Variants in AGAP1 observed in about 807,000 individuals in gnomAD.
The protein encoded by AGAP1 is ArfGAP with GTPase domain, ankyrin repeat and PH domain 1, also known as arf-GAP with GTPase, ANK repeat and PH domain-containing protein 1.
In AGAP1, 29 loss-of-function variants were observed where a neutral mutation model predicts 105.3. The observed-to-expected ratio is 0.28, with a 90% CI of 0.21 to 0.38. The LOEUF is 0.38. AGAP1 is among the 10% of genes least tolerant of loss of function. The pLI is 1.00. For missense variants in AGAP1, 998 were observed against 1,165.1 expected, an observed-to-expected ratio of 0.86 and a Z score of 2.09; for synonymous variants, 509 against 485.9, an observed-to-expected ratio of 1.05 and a Z score of -0.63.
intron 11 of AGAP1, among the ~76,000 whole-genome samples, chr2:235,928,381 G>C (rs1470390539): frequency 6.6e-6 from 1 of 152,190 alleles, no homozygotes; most frequent in African/African-American, 2.4e-5. Flanking sequence ...TGGCAGAAAT[G>C]CACCAGGACA....
intron 15 of AGAP1, among the ~76,000 whole-genome samples, chr2:236,041,989 G>C (rs1429499033): frequency 6.6e-6 from 1 of 152,212 alleles, no homozygotes; most frequent in Non-Finnish European, 1.5e-5. Context: ...TAGGATTAGA[G>C]ATGCTTTTTG....
chr2:235,581,531 G>A (rs1467286684), intron 1 of AGAP1, among the ~76,000 whole-genome samples: 1 of 151,494 alleles, frequency 6.6e-6, no homozygotes. Flanking sequence ...AATAGGCTGG[G>A]TACAGTGGCT....
chr2:235,593,198 A>G (rs1246799905), intron 1 of AGAP1, among the ~76,000 whole-genome samples: 1 of 152,218 alleles, frequency 6.6e-6, no homozygotes, highest in Non-Finnish European at 1.5e-5. Context: ...TCAGACGGGC[A>G]GCTTTTCCTG....
At chr2:235,816,179 G>A (rs929802833) in intron 9 of AGAP1, among the ~76,000 whole-genome samples, 24 of 151,932 alleles carry the variant, frequency 1.6e-4, no homozygotes, top group Non-Finnish European at 1.6e-4. Context: ...GGCTCACGCC[G>A]GTAATCCCAG....
chr2:235,653,278 T>A (rs71423691), intron 1 of AGAP1, among the ~76,000 whole-genome samples: 29,708 of 151,660 alleles, frequency 0.2, 3,107 homozygotes, highest in Middle Eastern at 0.27. Context: ...ATCCTGGCTA[T>A]CACGGTGAAA....
chr2:235,671,390 C>T (rs540887949), intron 1 of AGAP1, among the ~76,000 whole-genome samples: 78 of 152,324 alleles, frequency 5.1e-4, no homozygotes, highest in African/African-American at 1.8e-3. Flanking sequence ...AGCTGGCTGC[C>T]CGCGACACCT....
chr2:235,902,256 G>A (rs1559626718), intron 10 of AGAP1, among the ~76,000 whole-genome samples: 1 of 152,180 alleles, frequency 6.6e-6, no homozygotes, highest in East Asian at 1.9e-4. Flanking sequence ...CCTCATTTCA[G>A]ATAATTGTGG....
At chr2:235,674,006 G>T (rs1335135781) in intron 1 of AGAP1, among the ~76,000 whole-genome samples, 1 of 152,192 alleles carries the variant, frequency 6.6e-6, no homozygotes, top group Admixed American at 6.5e-5. Context: ...GCACACACAG[G>T]CTCCTACATA....
chr2:235,917,494 C>CT (rs1480617316), intron 11 of AGAP1, among the ~76,000 whole-genome samples: 2 of 152,120 alleles, frequency 1.3e-5, no homozygotes, highest in South Asian at 4.1e-4. Flanking sequence ...CTCTCCCTCT[C>CT]TTTTTTTCCA....
Position 235,740,698 on chromosome 2 carries a change from G to GTCCACACTAATTGGCCA in AGAP1, c.311-264_311-248dup, listed in dbSNP as rs1205325531. On this transcript the variant is annotated intron_variant, in intron 3 of 17. Coordinates refer to ENST00000304032, the MANE Select transcript of AGAP1 (RefSeq NM_001037131.3). The surrounding 1 kb of genome is among the most constrained non-coding windows in gnomAD (Gnocchi z 5.7). Reference sequence around the variant, plus strand: ...TTTACATAGAAAGCCCACATGAGAAGTCCACACTAATTGGCCACGAGTGTC... The same window carrying GTCCACACTAATTGGCCA: ...TTTACATAGAAAGCCCACATGAGAAGTCCACACTAATTGGCCATCCACACTAATTGGCCACGAGTGTC... 2.0e-5 allele frequency among the ~76,000 whole-genome samples: 3 copies of GTCCACACTAATTGGCCA among 152,230 alleles called. No individual in the cohort carries two copies. Among genetic ancestry groups the GTCCACACTAATTGGCCA allele is most frequent in the African/African-American group, 7.2e-5 (3 of 41,466 alleles).
chr2:235,717,030 G>A (rs977014299), intron 2 of AGAP1, among the ~76,000 whole-genome samples: 6 of 151,972 alleles, frequency 3.9e-5, no homozygotes, highest in African/African-American at 7.3e-5. Context: ...CTGTGTGGCC[G>A]GCCCCTGCCT....
intron 16 of AGAP1, among the ~76,000 whole-genome samples, chr2:236,100,198 C>T (rs186078229): frequency 6.6e-6 from 1 of 152,224 alleles, no homozygotes; most frequent in East Asian, 1.9e-4. Context: ...TTCTAAGGTT[C>T]CTTTCTCACC....
rs1434168434 is a variant in AGAP1, at chr2:235,721,261, G to A, written c.310+3617G>A. ...GACCTTAAGTGATCCACCTGCCTGG[G>A]CCTCCCAAAGTGCTGGGATTACAGG... On this transcript the variant is annotated intron_variant, in intron 3 of 17. Coordinates refer to ENST00000304032, the MANE Select transcript of AGAP1 (RefSeq NM_001037131.3). The surrounding 1 kb of genome is among the most constrained non-coding windows in gnomAD (Gnocchi z 4.5). Among the ~76,000 whole-genome samples the A allele has an allele frequency of 6.6e-6, 1 of 152,188 alleles. No individual in the cohort carries two copies. The highest frequency in any genetic ancestry group is 6.5e-5 in the Admixed American group (1 of 15,280).
At chr2:235,800,821 C>G (rs1360753343) in intron 8 of AGAP1, among the ~76,000 whole-genome samples, 3 of 152,160 alleles carry the variant, frequency 2.0e-5, no homozygotes, top group Admixed American at 2.0e-4. Flanking sequence ...ATAGGTCAGC[C>G]CCTCACAGCA....
intron 1 of AGAP1, among the ~76,000 whole-genome samples, chr2:235,604,727 C>T (rs747095774): frequency 2.7e-5 from 4 of 150,876 alleles, no homozygotes; most frequent in East Asian, 2.0e-4. Context: ...GGACTACAGG[C>T]GCCCGCTACC....
In AGAP1 at chr2:235,873,896, T is replaced by G. The variant is rs10209566; in HGVS notation, c.1051-9449T>G. On this transcript the variant is annotated intron_variant, in intron 9 of 17. Transcript: ENST00000304032. ...GTGCACACCCCCACACCCGGCTAAT[T>G]TGTGTATTTTTTTGTAGAGACGGGG... is the stretch of plus-strand genomic sequence containing the variant. Among the ~76,000 whole-genome samples, 1,493 of 152,008 alleles carry G rather than the reference T, an allele frequency of 9.8e-3. 24 individuals are homozygous for G. Among genetic ancestry groups the G allele is most frequent in the African/African-American group, 0.035 (1,444 of 41,470 alleles).
At position 235,614,641 on chromosome 2, in the gene AGAP1, C is replaced by T. The variant is rs1037219908; in HGVS notation, c.164-94538C>T. On this transcript the variant is annotated intron_variant, in intron 1 of 17. Transcript: ENST00000304032. This position sits in a 1 kb window ranked among gnomAD's most constrained non-coding sequence, Gnocchi z 4.7. ...GGAGTGTGGGTTGGCTCTCTACCCC[C>T]GTTGCAGATTGGCTTGTGGTTTGGG... 1.3e-5 allele frequency among the ~76,000 whole-genome samples: 2 copies of T among 152,222 alleles called. No individual in the cohort carries two copies. Among genetic ancestry groups the T allele is most frequent in the Non-Finnish European group, 2.9e-5 (2 of 68,044 alleles).
Position 236,079,525 on chromosome 2 carries a change from G to A in AGAP1, c.2114+30244G>A, listed in dbSNP as rs530760319. Among the ~76,000 whole-genome samples the A allele has an allele frequency of 2.0e-4, 29 of 145,984 alleles. No individual in the cohort carries two copies. In the East Asian group the frequency reaches 5.2e-3, roughly 26 times the overall value. On this transcript the variant is annotated intron_variant, in intron 16 of 17. Transcript: ENST00000304032. ...TTCCAGCCTGGGTGACAGAGACCTCGTCTCAAAAAAAAAAAATTATATATA... is the reference window on the plus strand; with the variant it reads ...TTCCAGCCTGGGTGACAGAGACCTCATCTCAAAAAAAAAAAATTATATATA...
chr2:235,972,869 C>T (rs2054710444), intron 13 of AGAP1, among the ~76,000 whole-genome samples: 1 of 152,200 alleles, frequency 6.6e-6, no homozygotes, highest in African/African-American at 2.4e-5. Context: ...ATGTGCTCCC[C>T]TCCATCATCC....
Sources: gnomAD v4.1 joint callset for allele counts (sites outside exome capture counted in the v4.1 genomes callset) on GRCh38, gnomAD v4.1.1 for gene constraint, Gnocchi (gnomAD v3.1) non-coding constraint, MANE v1.5 for transcripts, NCBI Gene and HGNC (gene_info 2026-07-23, HGNC 2026-07-21) for gene names.